Variants in CFAP47 observed in about 807,000 individuals in gnomAD.
The protein encoded by CFAP47 is cilia- and flagella-associated protein 47.
CFAP47 carries 29 observed loss-of-function variants against 148.1 expected under a neutral mutation model. That is an observed-to-expected ratio of 0.20 (90% CI 0.15 to 0.27). The LOEUF is 0.27. Among genes scored for constraint, CFAP47 ranks in the 10% least tolerant of loss-of-function variants. CFAP47 has a pLI of 1.00. For missense variants in CFAP47, 1,872 were observed against 1,697.5 expected (o/e 1.10, Z -1.81); for synonymous variants, 664 against 577.3 (o/e 1.15, Z -2.15).
At chrX:36,273,730 A>T (rs954190093) in intron 49 of CFAP47, among the ~76,000 whole-genome samples, 2 of 111,427 alleles carry the variant, frequency 1.8e-5, no homozygotes, top group African/African-American at 6.5e-5. Context: ...CATAATCATT[A>T]TTTGCTGCAT....
chrX:36,132,940 C>T (rs1211937035), intron 33 of CFAP47, among the ~76,000 whole-genome samples: 1 of 111,729 alleles, frequency 9.0e-6, no homozygotes, highest in Non-Finnish European at 1.9e-5. Flanking sequence ...GAAAGTCAGA[C>T]AAGCAGCAAA....
At chrX:36,013,918 G>A (rs1425517227) in intron 21 of CFAP47, among the ~76,000 whole-genome samples, 2 of 112,146 alleles carry the variant, frequency 1.8e-5, no homozygotes, top group Admixed American at 1.9e-4. Context: ...TGGCAATAAT[G>A]AATAAGTTGT....
At chrX:36,190,449 C>T (rs1939853636) in intron 42 of CFAP47, among the ~76,000 whole-genome samples, 1 of 112,538 alleles carries the variant, frequency 8.9e-6, no homozygotes, top group Non-Finnish European at 1.9e-5. Flanking sequence ...ATTAGTTATC[C>T]ATAGCTTTGT....
intron 42 of CFAP47, among the ~76,000 whole-genome samples, chrX:36,199,887 C>A (rs906582799): frequency 9.0e-6 from 1 of 111,173 alleles, no homozygotes; most frequent in African/African-American, 3.3e-5. Flanking sequence ...ATAAAAGATT[C>A]TTTTCTTTCT....
intron 32 of CFAP47, 91 bp from the exon 33 acceptor site, chrX:36,104,408 C>G: frequency 2.6e-6 from 1 of 386,876 alleles, no homozygotes. Flanking sequence ...CCTCTTTAAT[C>G]TCCTGTCATG....
Position 35,951,186 on chromosome X carries a change from G to A in CFAP47, c.712G>A (p.Glu238Lys), listed in dbSNP as rs1355096499. 2 of 1,211,453 alleles carry A rather than the reference G, an allele frequency of 1.7e-6. No individual in the cohort carries two copies. Among genetic ancestry groups the A allele is most frequent in the Admixed American group, 4.3e-5 (2 of 46,018 alleles). The part of the protein sequence containing the change: ...MLLSIKAHVV[E>K]QIIELLSMSS... Reference sequence around the variant, plus strand: ...CTTGAGTATCAAAGCTCATGTGGTTGAGCAGATTATTGAATTATTAAGCAT... The same window carrying A: ...CTTGAGTATCAAAGCTCATGTGGTTAAGCAGATTATTGAATTATTAAGCAT... The change falls in exon 5 of 64, where the codon GAG becomes AAG. Residue 238 changes from glutamate to lysine, a missense_variant. Coordinates refer to ENST00000378653, the MANE Select transcript of CFAP47 (RefSeq NM_001304548.2).
At chrX:36,295,952 A>G (rs1556006636) in intron 51 of CFAP47, among the ~76,000 whole-genome samples, 2 of 112,111 alleles carry the variant, frequency 1.8e-5, no homozygotes, top group East Asian at 2.8e-4. Flanking sequence ...ATTTATTTCT[A>G]TTGAGTCTTG....
At chrX:36,239,536 G>A (rs1940515333) in intron 48 of CFAP47, among the ~76,000 whole-genome samples, 1 of 112,025 alleles carries the variant, frequency 8.9e-6, no homozygotes, top group Non-Finnish European at 1.9e-5. Context: ...CATCCCACTA[G>A]GAAGGCATTA....
chrX:35,951,455 A>G (rs1157522921), intron 5 of CFAP47, 96 bp downstream of exon 5: 1 of 626,020 alleles, frequency 1.6e-6, no homozygotes, highest in Admixed American at 3.8e-5. Flanking sequence ...ATTATTCAAA[A>G]TATCTTTTAA....
intron 49 of CFAP47, among the ~76,000 whole-genome samples, chrX:36,275,415 C>CGTGTGT (rs35781816): frequency 0.021 from 1,845 of 87,693 alleles, 34 homozygotes; most frequent in African/African-American, 0.047. Flanking sequence ...GTGAGATCGT[C>CGTGTGT]GTGTGTGTGT....
intron 46 of CFAP47, among the ~76,000 whole-genome samples, chrX:36,231,999 G>A (rs1401146413): frequency 5.4e-5 from 6 of 111,342 alleles, no homozygotes; most frequent in African/African-American, 1.6e-4. Flanking sequence ...TTGATGTGCT[G>A]CTGGATTCGG....
chrX:36,183,048 G>A (rs1451157848), intron 40 of CFAP47, among the ~76,000 whole-genome samples: 1 of 112,538 alleles, frequency 8.9e-6, no homozygotes, highest in African/African-American at 3.2e-5. Flanking sequence ...GCTGGCTCAC[G>A]CCTGTAATCC....
intron 33 of CFAP47, among the ~76,000 whole-genome samples, chrX:36,117,206 A>G (rs1938656298): frequency 8.9e-6 from 1 of 112,136 alleles, no homozygotes. Context: ...ACAGAGCTAA[A>G]ACACACATGG....
chrX:36,270,918 G>A (rs782465428), intron 49 of CFAP47, among the ~76,000 whole-genome samples: 1 of 109,717 alleles, frequency 9.1e-6, no homozygotes. Context: ...AGAAGCACGT[G>A]GTTTTAATAG....
chrX:35,942,796 C>A (rs940955323), intron 3 of CFAP47, among the ~76,000 whole-genome samples: 1 of 111,360 alleles, frequency 9.0e-6, no homozygotes, highest in African/African-American at 3.3e-5. Flanking sequence ...TAATTTTACT[C>A]AATAAATTAG....
At chrX:36,362,665 T>A (rs1556019490) in intron 61 of CFAP47, among the ~76,000 whole-genome samples, 1 of 112,044 alleles carries the variant, frequency 8.9e-6, no homozygotes, top group East Asian at 2.8e-4. Context: ...GGCTTTTTGA[T>A]ATAATGATCT....
At chrX:36,253,539 C>T (rs181171186) in intron 49 of CFAP47, among the ~76,000 whole-genome samples, 23 of 111,248 alleles carry the variant, frequency 2.1e-4, no homozygotes, top group African/African-American at 6.9e-4. Flanking sequence ...GTTAAAGAAC[C>T]GTGTCCATGT....
chrX:36,228,435 A>G (rs1310540941), intron 45 of CFAP47, among the ~76,000 whole-genome samples, 193 bp from the exon 46 acceptor site: 1 of 110,994 alleles, frequency 9.0e-6, no homozygotes, highest in Non-Finnish European at 1.9e-5. Context: ...TGACCAGTGC[A>G]GTATATATAC....
intron 45 of CFAP47, among the ~76,000 whole-genome samples, chrX:36,212,974 G>A (rs1460866439): frequency 1.8e-5 from 2 of 110,828 alleles, no homozygotes; most frequent in East Asian, 2.9e-4. Context: ...TTAGCTGGGC[G>A]TGGTGGCACA....
Sources: gnomAD v4.1 joint callset for allele counts (sites outside exome capture counted in the v4.1 genomes callset) on GRCh38, gnomAD v4.1.1 for gene constraint, MANE v1.5 for transcripts, NCBI Gene and HGNC (gene_info 2026-07-23, HGNC 2026-07-21) for gene names.